Variants in CTTNBP2 observed in about 807,000 individuals in gnomAD.
CTTNBP2 encodes the protein cortactin-binding protein 2.
In CTTNBP2, 108 loss-of-function variants were observed where a neutral mutation model predicts 156.9. The observed-to-expected ratio is 0.69, with a 90% CI of 0.59 to 0.81. The LOEUF (loss-of-function observed/expected upper bound fraction) is 0.81. CTTNBP2 is among the 30% of genes least tolerant of loss of function. The pLI is 0.00. For missense variants in CTTNBP2, 1,924 were observed against 2,035.4 expected, an observed-to-expected ratio of 0.95 and a Z score of 1.05; for synonymous variants, 767 against 751.8, an observed-to-expected ratio of 1.02 and a Z score of -0.33.
chr7:117,750,234 T>C (rs889179996), intron 12 of CTTNBP2, among the ~76,000 whole-genome samples: 3 of 152,210 alleles, frequency 2.0e-5, no homozygotes, highest in Non-Finnish European at 4.4e-5. Flanking sequence ...AGATTGATTT[T>C]GAAATCAAAT....
intron 2 of CTTNBP2, among the ~76,000 whole-genome samples, chr7:117,855,281 T>C (rs1379448536): frequency 1.3e-5 from 2 of 151,902 alleles, no homozygotes; most frequent in African/African-American, 4.8e-5. Context: ...CCTGGCTAAT[T>C]TTTGTATTTT....
At chr7:117,811,669 A>T (rs1800287246) in intron 2 of CTTNBP2, among the ~76,000 whole-genome samples, 1 of 152,162 alleles carries the variant, frequency 6.6e-6, no homozygotes, top group Admixed American at 6.5e-5. Context: ...AAATAAAATT[A>T]TCTCTATATC....
At chr7:117,835,014 TA>T (rs1801839292) in intron 2 of CTTNBP2, among the ~76,000 whole-genome samples, 1 of 152,218 alleles carries the variant, frequency 6.6e-6, no homozygotes, top group African/African-American at 2.4e-5. Context: ...CCAATTTTCC[TA>T]AACTCTTCAG....
intron 22 of CTTNBP2, among the ~76,000 whole-genome samples, chr7:117,713,043 G>C (rs1325576139): frequency 6.6e-6 from 1 of 152,170 alleles, no homozygotes; most frequent in South Asian, 2.1e-4. Context: ...TCTCATAGTA[G>C]TACAAACCCT....
intron 2 of CTTNBP2, among the ~76,000 whole-genome samples, chr7:117,813,271 G>A (rs1800392957): frequency 6.6e-6 from 1 of 152,144 alleles, no homozygotes; most frequent in Non-Finnish European, 1.5e-5. Flanking sequence ...CATAAATGTA[G>A]GACAAACTAC....
In CTTNBP2 at chr7:117,760,472, G is replaced by A. The variant is rs149872807; in HGVS notation, c.3135C>T (p.Ile1045=). 1.4e-4 allele frequency: 227 copies of A among 1,613,996 alleles called. 1 individual carries two copies. The East Asian group carries it at 1.8e-3, about 13-fold the overall frequency. The change falls in exon 10 of 23, where the codon ATC becomes ATT. Residue 1045 remains isoleucine (I), a synonymous_variant. Transcript: ENST00000160373. ...ATCGTATGCTTCTTGCACTGAGGCC[G>A]ATGTTGGAATCAGTGGTGTTATTGC... The part of the protein sequence containing the change: ...VTCNNTTDSN[I]GLSARSIRSI...
intron 2 of CTTNBP2, among the ~76,000 whole-genome samples, chr7:117,849,965 A>G (rs1802832769): frequency 6.6e-6 from 1 of 152,220 alleles, no homozygotes; most frequent in Non-Finnish European, 1.5e-5. Context: ...TTCCTTAACC[A>G]TGAGCCTTAA....
At chr7:117,790,494 G>C (rs757200108) in intron 4 of CTTNBP2, among the ~76,000 whole-genome samples, 5 of 151,980 alleles carry the variant, frequency 3.3e-5, no homozygotes, top group Non-Finnish European at 7.4e-5. Flanking sequence ...TTAACCATCT[G>C]TGCCCGAGTG....
rs557765700 is a variant in CTTNBP2, at chr7:117,822,291, T to C, written c.190-11302A>G. On this transcript the variant is annotated intron_variant, in intron 2 of 22. Transcript: ENST00000160373. ...TTCTTTTTTTCTTGTTCATTCTAGCTAGGAGTATTTCAATTTTGTTGATCT... is the reference window on the plus strand; with the variant it reads ...TTCTTTTTTTCTTGTTCATTCTAGCCAGGAGTATTTCAATTTTGTTGATCT... 1.3e-5 allele frequency among the ~76,000 whole-genome samples: 2 copies of C among 152,292 alleles called. 1 individual carries two copies. The highest frequency in any genetic ancestry group is 4.1e-4 in the South Asian group (2 of 4,832).
At chr7:117,819,177 T>A (rs566660105) in intron 2 of CTTNBP2, among the ~76,000 whole-genome samples, 7 of 152,114 alleles carry the variant, frequency 4.6e-5, no homozygotes, top group African/African-American at 1.7e-4. Context: ...TAGACCAACA[T>A]TAAATAACAC....
In CTTNBP2 at chr7:117,784,397, C is replaced by T; in HGVS notation, c.2126G>A (p.Gly709Asp). The change falls in exon 5 of 23, where the codon GGC becomes GAC. Residue 709 changes from glycine (G) to aspartate (D), a missense_variant. Transcript: ENST00000160373. ...AGCTTGCTGAAGAAGGGTGGGCCTG[C>T]CAGCCAGGGGGGCAGGACCACCACT... ...LMSGGPAPLA[G>D]RPTLLQQAAA... is the part of the protein sequence containing the mutation. 1.2e-6 allele frequency: 2 copies of T among 1,612,968 alleles called. No individual in the cohort carries two copies. Among genetic ancestry groups the T allele is most frequent in the Non-Finnish European group, 1.7e-6 (2 of 1,179,676 alleles).
chr7:117,760,707 G>A lies in CTTNBP2; in HGVS notation c.2900C>T (p.Ala967Val). The change falls in exon 10 of 23, where the codon GCT becomes GTT. Residue 967 changes from alanine (A) to valine (V), a missense_variant. Ala to Val is a moderately conservative substitution (Grantham distance 64). Transcript: ENST00000160373. ...TGAAATCCTTAAGGGTATTTTAAGA[G>A]CATCTGTTAGAAGAGTAAAAGAATT... ...DCKHLLENLN[A>V]LKIPLRISVG... The A allele has an allele frequency of 6.2e-7, 1 of 1,603,812 alleles. No individual in the cohort carries two copies. Among genetic ancestry groups the A allele is most frequent in the Non-Finnish European group, 8.5e-7 (1 of 1,172,080 alleles).
intron 4 of CTTNBP2, among the ~76,000 whole-genome samples, chr7:117,789,068 T>C (rs566481923): frequency 6.6e-6 from 1 of 152,334 alleles, no homozygotes; most frequent in East Asian, 1.9e-4. Context: ...AGCTCTTTTA[T>C]GTAAAATTTT....
intron 9 of CTTNBP2, among the ~76,000 whole-genome samples, chr7:117,761,572 T>C (rs1584958798): frequency 6.6e-6 from 1 of 152,226 alleles, no homozygotes; most frequent in African/African-American, 2.4e-5. Flanking sequence ...GAAAACTAAG[T>C]TGAATCCTTT....
chr7:117,826,269 T>G (rs1801272090), intron 2 of CTTNBP2, among the ~76,000 whole-genome samples: 1 of 152,102 alleles, frequency 6.6e-6, no homozygotes, highest in Non-Finnish European at 1.5e-5. Context: ...TAACACTCCA[T>G]GCAGAGAGAA....
intron 2 of CTTNBP2, among the ~76,000 whole-genome samples, chr7:117,831,886 CT>C (rs1381967176): frequency 6.6e-6 from 1 of 152,126 alleles, no homozygotes; most frequent in Non-Finnish European, 1.5e-5. Context: ...TTCTTTGCCC[CT>C]CTCTAAGGTT....
At position 117,777,679 on chromosome 7, in the gene CTTNBP2, A is replaced by T. The variant is rs747951130; in HGVS notation, c.2610T>A (p.His870Gln). The change falls in exon 8 of 23, where the codon CAT becomes CAA. Residue 870 changes from histidine to glutamine, a missense_variant. Coordinates refer to ENST00000160373, the MANE Select transcript of CTTNBP2 (RefSeq NM_033427.3). ...ACTCCTCCTCATTGAAAGAATTTCC[A>T]TGAGCTGGTATTCTATGGTACATAA... The part of the protein sequence containing the change: ...KLLMYHRIPA[H>Q]GNSFNEEESE... The T allele has an allele frequency of 2.5e-6, 4 of 1,614,166 alleles. No individual in the cohort carries two copies. The South Asian group carries it at 3.3e-5, about 13-fold the overall frequency.
At position 117,711,699 on chromosome 7, in the gene CTTNBP2, T is replaced by C; in HGVS notation, c.4830A>G (p.Lys1610=). ...TACTTCTAGGAACAGGAAGAAAAGA[T>C]TTAACTCTTGAAACACCCAACTCAG... is the stretch of plus-strand genomic sequence containing the variant. ...SKTELGVSRV[K]SFLPVPRSKV... The change falls in exon 23 of 23, where the codon AAA becomes AAG. Residue 1610 remains lysine (K), a synonymous_variant. Transcript: ENST00000160373. 2.5e-6 allele frequency: 4 copies of C among 1,614,082 alleles called. No homozygotes were observed. The highest frequency in any genetic ancestry group is 2.2e-5 in the East Asian group (1 of 44,868).
At position 117,810,925 on chromosome 7, in the gene CTTNBP2, A is replaced by C; in HGVS notation, c.254T>G (p.Leu85Arg). 1 of 1,614,170 alleles carries C rather than the reference A, an allele frequency of 6.2e-7. No individual in the cohort carries two copies. The highest frequency in any genetic ancestry group is 1.3e-5 in the African/African-American group (1 of 75,052). Residue 85 changes from leucine (L) to arginine (R), a missense_variant, in exon 3 of 23, where the codon CTG becomes CGG. Leu to Arg is a moderately radical substitution (Grantham distance 102, BLOSUM62 -2). Transcript: ENST00000160373. Reference sequence around the variant, plus strand: ...TGCTTCATAGTCTCTCTGGAGTGCCAGGAACGGGTCATTTAGATTAAATCT... The same window carrying C: ...TGCTTCATAGTCTCTCTGGAGTGCCCGGAACGGGTCATTTAGATTAAATCT... ...YGRFNLNDPF[L>R]ALQRDYEAGA...
Sources: allele counts gnomAD v4.1 joint callset (sites outside exome capture counted in the v4.1 genomes callset), GRCh38; gene constraint gnomAD v4.1.1; transcripts MANE v1.5; gene names NCBI Gene and HGNC (gene_info 2026-07-23, HGNC 2026-07-21).